Variants in SORL1 observed in about 807,000 individuals in gnomAD.
SORL1 encodes the protein sortilin-related receptor.
A neutral mutation model predicts 273.7 loss-of-function variants in SORL1; 127 were observed. The observed-to-expected ratio is 0.46, with a 90% CI of 0.40 to 0.54. The LOEUF (loss-of-function observed/expected upper bound fraction) is 0.54. Among genes scored for constraint, SORL1 ranks in the 20% least tolerant of loss-of-function variants. The probability of loss-of-function intolerance (pLI) is 0.00; values close to 1 mark genes in which losing one functional copy is unlikely to be tolerated. For synonymous variants in SORL1, 1,031 were observed against 1,067.4 expected, an observed-to-expected ratio of 0.97 and a Z score of 0.66; for missense variants, 2,494 against 2,846.1, an observed-to-expected ratio of 0.88 and a Z score of 2.81.
At chr11:121,493,280 T>C (rs1031652134) in intron 5 of SORL1, among the ~76,000 whole-genome samples, 4 of 151,456 alleles carry the variant, frequency 2.6e-5, no homozygotes, top group Non-Finnish European at 5.9e-5. Flanking sequence ...ATTTGTTTGT[T>C]TGTCTGTTTA....
chr11:121,624,017 A>G (rs964000883), intron 45 of SORL1, among the ~76,000 whole-genome samples: 1 of 152,228 alleles, frequency 6.6e-6, no homozygotes, highest in Non-Finnish European at 1.5e-5. Context: ...CAAAGAGAGA[A>G]TGAGAGCCAA....
rs11375584 is a variant in SORL1, at chr11:121,472,968, G to GAA, written c.402+2855_402+2856dup. ...AGAGAGAAAACTCTGTCTCAAAAAA[G>GAA]AAAAAAAAAAAGGAGATAGATTAAA... On this transcript the variant is annotated intron_variant, in intron 2 of 47. Coordinates refer to ENST00000260197, the MANE Select transcript of SORL1 (RefSeq NM_003105.6). Among the ~76,000 whole-genome samples the GAA allele has an allele frequency of 5.3e-3, 775 of 145,102 alleles. 5 individuals carry two copies. The highest frequency in any genetic ancestry group is 0.017 in the African/African-American group (681 of 39,394).
At chr11:121,522,550 CAT>C in intron 9 of SORL1, 34 bp from the exon 10 acceptor site, 1 of 1,446,454 alleles carries the variant, frequency 6.9e-7, no homozygotes, top group African/African-American at 1.4e-5. Flanking sequence ...GGCATGGTAT[CAT>C]GTGCTGACAC....
intron 6 of SORL1, among the ~76,000 whole-genome samples, chr11:121,506,173 G>T (rs1010156058): frequency 2.0e-4 from 31 of 152,108 alleles, no homozygotes; most frequent in African/African-American, 6.0e-4. Context: ...CTTCTAGATT[G>T]ACACTTTTAT....
intron 23 of SORL1, 122 bp downstream of exon 23, chr11:121,570,392 G>C: frequency 3.2e-6 from 2 of 622,710 alleles, no homozygotes; most frequent in Non-Finnish European, 5.8e-6. Flanking sequence ...GCCCATCTAA[G>C]TTGATGGGGC....
rs368227032 is a variant in SORL1 at position 121,555,181 on chromosome 11, C to T, written c.2440-6C>T. 2.5e-6 allele frequency: 4 copies of T among 1,612,128 alleles called. No homozygotes were observed. In the African/African-American group the frequency reaches 5.3e-5, roughly 22 times the overall value. ...CTAGCATTTATTATTACTTTTCTCT[C>T]TTAAGCGCCTCTGTTTGAATGGAAG... On this transcript the variant is annotated splice_polypyrimidine_tract_variant and splice_region_variant and intron_variant, in intron 17 of 47. Transcript: ENST00000260197.
intron 11 of SORL1, 129 bp downstream of exon 11, chr11:121,523,118 T>C (rs1862066020): frequency 4.5e-6 from 3 of 672,476 alleles, no homozygotes; most frequent in Admixed American, 5.2e-5. Context: ...GATATGACTA[T>C]AAAGTAAAGA....
At chr11:121,457,712 T>G (rs1171017617) in intron 1 of SORL1, among the ~76,000 whole-genome samples, 1 of 152,232 alleles carries the variant, frequency 6.6e-6, no homozygotes, top group African/African-American at 2.4e-5. Context: ...TGTAGCCCCC[T>G]TGTAACTTGG....
chr11:121,545,343 C>A lies in SORL1; in HGVS notation c.1965C>A (p.Thr655=). 6.2e-7 allele frequency: 1 copy of A among 1,614,114 alleles called. No homozygotes were observed. Among genetic ancestry groups the A allele is most frequent in the Non-Finnish European group, 8.5e-7 (1 of 1,180,006 alleles). Reference sequence around the variant, plus strand: ...ACAAGACTGTTTTCAAACGGCGGACCCCCCATGCCACATGCTTCAATGGAG... The same window carrying A: ...ACAAGACTGTTTTCAAACGGCGGACACCCCATGCCACATGCTTCAATGGAG... The part of the protein sequence containing the change: ...LGHKTVFKRR[T]PHATCFNGED... Residue 655 remains threonine (T), a synonymous_variant, in exon 14 of 48, where the codon ACC becomes ACA. Transcript: ENST00000260197.
At chr11:121,547,417 CAAAAAAAAAAAAA>C (rs67390938) in intron 14 of SORL1, among the ~76,000 whole-genome samples, 1 of 24,024 alleles carries the variant, frequency 4.2e-5, no homozygotes, top group Non-Finnish European at 6.4e-5. Flanking sequence ...CAACCCTCAC[CAAAAAAAAAAAAA>C]AAAAAAAAAA....
At chr11:121,542,363 G>T (rs960901917) in intron 12 of SORL1, among the ~76,000 whole-genome samples, 5 of 152,102 alleles carry the variant, frequency 3.3e-5, no homozygotes, top group African/African-American at 1.2e-4. Flanking sequence ...TTGCAAATTT[G>T]TTTAGTCATT....
chr11:121,453,458 G>T (rs564191803), intron 1 of SORL1, among the ~76,000 whole-genome samples: 1 of 152,142 alleles, frequency 6.6e-6, no homozygotes, highest in African/African-American at 2.4e-5. Flanking sequence ...TAATTTGACC[G>T]TGTTATTGCC....
intron 11 of SORL1, among the ~76,000 whole-genome samples, chr11:121,525,764 G>T (rs1751094597): frequency 6.6e-6 from 1 of 152,150 alleles, no homozygotes; most frequent in South Asian, 2.1e-4. Flanking sequence ...GAAAAAATTG[G>T]GTTGGTCCAG....
chr11:121,577,127 CT>C, intron 24 of SORL1, 153 bp from the exon 25 acceptor site: 2 of 1,157,760 alleles, frequency 1.7e-6, no homozygotes, highest in Non-Finnish European at 1.2e-6. Context: ...GTTAAATGAC[CT>C]TTTGTCCCTG....
At chr11:121,526,872 G>A (rs1016781833) in intron 11 of SORL1, among the ~76,000 whole-genome samples, 1 of 152,092 alleles carries the variant, frequency 6.6e-6, no homozygotes, top group Non-Finnish European at 1.5e-5. Context: ...TGCAAAGAGT[G>A]ACAGTTTTAT....
At chr11:121,490,172 T>C (rs1861530974) in intron 5 of SORL1, 62 bp downstream of exon 5, 1 of 1,184,190 alleles carries the variant, frequency 8.4e-7, no homozygotes, top group Non-Finnish European at 1.3e-6. Context: ...TTCTAGCTCC[T>C]TCTTGGTGGA....
intron 31 of SORL1, among the ~76,000 whole-genome samples, 200 bp downstream of exon 31, chr11:121,591,356 A>T (rs1863212324): frequency 6.6e-6 from 1 of 152,220 alleles, no homozygotes. Flanking sequence ...ATAGATGCAT[A>T]GGAAATTGGA....
At chr11:121,582,545 T>C (rs1432116741) in intron 25 of SORL1, among the ~76,000 whole-genome samples, 4 of 152,242 alleles carry the variant, frequency 2.6e-5, no homozygotes. Flanking sequence ...GAGTGTTGGT[T>C]GGGTTGGAGG....
At chr11:121,608,205 G>A in intron 38 of SORL1, 29 bp downstream of exon 38, 1 of 1,564,992 alleles carries the variant, frequency 6.4e-7, no homozygotes. Context: ...TGCAGATTTA[G>A]AGAAAATATT....
Sources: gnomAD v4.1 joint callset for allele counts (sites outside exome capture counted in the v4.1 genomes callset) on GRCh38, gnomAD v4.1.1 for gene constraint, MANE v1.5 for transcripts, NCBI Gene and HGNC (gene_info 2026-07-23, HGNC 2026-07-21) for gene names.